The following COQ10A variants were observed in gnomAD, a reference collection of about 807,000 sequenced individuals.
The protein encoded by COQ10A is coenzyme Q10A, also known as coenzyme Q-binding protein COQ10 homolog A, mitochondrial.
A neutral mutation model predicts 26.1 loss-of-function variants in COQ10A; 25 were observed. The observed-to-expected ratio is 0.96, with a 90% CI of 0.70 to 1.34. The LOEUF (loss-of-function observed/expected upper bound fraction) is 1.34. Among genes scored for constraint, COQ10A ranks in the 40% most tolerant of loss-of-function variants. The pLI is 0.00. For synonymous variants in COQ10A, 132 were observed against 124.0 expected, an observed-to-expected ratio of 1.06 and a Z score of -0.43; for missense variants, 312 against 335.4, an observed-to-expected ratio of 0.93 and a Z score of 0.54.
At chr12:56,267,519 C>A in intron 1 of COQ10A, 2 of 1,532,798 alleles carry the variant, frequency 1.3e-6, no homozygotes, top group Non-Finnish European at 1.8e-6. Context: ...TAGCTTTCAG[C>A]AGTAGTGTAG....
rs187670547 is a variant in COQ10A, at chr12:56,269,153, C to T, written c.376C>T (p.Arg126Cys). 2.5e-5 allele frequency: 41 copies of T among 1,614,080 alleles called. No individual in the cohort carries two copies. The highest frequency in any genetic ancestry group is 1.3e-4 in the African/African-American group (10 of 75,020). Residue 126 changes from arginine to cysteine, a missense_variant, in exon 3 of 5, where the codon CGT becomes TGT. Coordinates refer to ENST00000308197, the MANE Select transcript of COQ10A (RefSeq NM_144576.4). ...TAAGAAGTCTCTGGTGGTATCCAGC[C>T]GTAAGGGTCATTTGAAAGCCCAGCT... is the stretch of plus-strand genomic sequence containing the variant. ...WCKKSLVVSSRKGHLKAQLEV... is the reference protein window; with the variant it reads ...WCKKSLVVSSCKGHLKAQLEV...
chr12:56,269,563 TGA>T lies in COQ10A; in HGVS notation c.576+4_576+5del. On this transcript the variant is annotated splice_donor_region_variant and intron_variant, in intron 4 of 4. Transcript: ENST00000308197. ...CGAACCTGCACTGTGGACTTTTCGG[TGA>T]GTCAGGAGGTTGTGTAGCAGAGGAC... 1 of 1,606,308 alleles carries T rather than the reference TGA, an allele frequency of 6.2e-7. No homozygotes were observed. Among genetic ancestry groups the T allele is most frequent in the Non-Finnish European group, 8.5e-7 (1 of 1,172,904 alleles).
Position 56,267,804 on chromosome 12 carries a change from T to C in COQ10A, c.145T>C (p.Ser49Pro), listed in dbSNP as rs1208480366. Residue 49 changes from serine (S) to proline (P), a missense_variant, in exon 2 of 5, where the codon TCC becomes CCC. Transcript: ENST00000308197. ...TTCCTTTGGCCTTAGGTTTCTGACC[T>C]CCTGCAGCCTCCTCTTGCCTCGGGC... ...PPPRPMRFLT[S>P]CSLLLPRAAQ... 5.0e-6 allele frequency: 8 copies of C among 1,614,184 alleles called. No homozygotes were observed. The highest frequency in any genetic ancestry group is 6.8e-6 in the Non-Finnish European group (8 of 1,180,030).
In COQ10A at chr12:56,267,085, G is replaced by T; in HGVS notation, c.-34G>T. ...TTGGAGTGAGGAGGGCGCAGCCCGC[G>T]TCAGAACTTAGAGGGCCAGGCAGGG... On this transcript the variant is annotated 5_prime_UTR_variant, in exon 1 of 5. Transcript: ENST00000308197. The T allele has an allele frequency of 1.6e-6, 2 of 1,266,222 alleles. No individual in the cohort carries two copies. The highest frequency in any genetic ancestry group is 2.0e-6 in the Non-Finnish European group (2 of 1,008,432). 78.4% of individuals were successfully genotyped at this position (1,266,222 alleles called of 1,614,324 possible). A position where few individuals can be genotyped will look rare whatever the true frequency, so the allele number is the denominator to read the frequency against.
At chr12:56,268,333 C>G (rs974858865) in intron 2 of COQ10A, 1 of 201,090 alleles carries the variant, frequency 5.0e-6, no homozygotes, top group African/African-American at 2.4e-5. Context: ...ACACAAGAAT[C>G]AGCCTGGCAC....
At chr12:56,268,099 C>G in intron 2 of COQ10A, 159 bp downstream of exon 2, 3 of 905,888 alleles carry the variant, frequency 3.3e-6, no homozygotes, top group Non-Finnish European at 5.0e-6. Context: ...TGCCACTCTT[C>G]CGACCTTAAT....
Position 56,270,241 on chromosome 12 carries a change from G to A in COQ10A, c.668G>A (p.Arg223His), listed in dbSNP as rs748314329. The A allele has an allele frequency of 2.5e-6, 4 of 1,614,074 alleles. No homozygotes were observed. The highest frequency in any genetic ancestry group is 2.5e-6 in the Non-Finnish European group (3 of 1,179,994). ...AAACAGAATGTTGCTGCCTTTGAGC[G>A]TCGGGCAGCCACCAAGTTTGGTCCA... ...VVKQNVAAFE[R>H]RAATKFGPET... The change falls in exon 5 of 5, where the codon CGT (arginine) becomes CAT (histidine). Residue 223 changes from arginine to histidine, a missense_variant. Transcript: ENST00000308197.
At chr12:56,267,607 A>G in intron 1 of COQ10A, 187 bp from the exon 2 acceptor site, 1 of 1,151,736 alleles carries the variant, frequency 8.7e-7, no homozygotes, top group Non-Finnish European at 1.3e-6. Context: ...CCCTGTCCTT[A>G]GCTGCCCTCG....
rs759099662 is a variant in COQ10A, at chr12:56,267,922, C to G, written c.263C>G (p.Ser88Trp). Residue 88 changes from serine (S) to tryptophan (W), a missense_variant, in exon 2 of 5, where the codon TCG becomes TGG. By Grantham distance (177) the Ser-to-Trp change is radical. Transcript: ENST00000308197. ...APFTNKRKAY[S>W]ERRIMGYSMQ... ...TTCACCAACAAGCGAAAGGCTTACTCGGAGCGTAGAATCATGGGGTAAGCA... is the reference window on the plus strand; with the variant it reads ...TTCACCAACAAGCGAAAGGCTTACTGGGAGCGTAGAATCATGGGGTAAGCA... The G allele has an allele frequency of 6.2e-7, 1 of 1,614,128 alleles. No homozygotes were observed.
At position 56,269,779 on chromosome 12, in the gene COQ10A, T is replaced by C. The variant is rs990435722; in HGVS notation, c.576+218T>C. ...AGTAGCTGGGATTACAGGAGCCTGC[T>C]ACCAAGCCCGACTGATTTTTTATTT... On this transcript the variant is annotated intron_variant, in intron 4 of 4. Coordinates refer to ENST00000308197, the MANE Select transcript of COQ10A (RefSeq NM_144576.4). 14 of 541,660 alleles carry C rather than the reference T, an allele frequency of 2.6e-5. No individual in the cohort carries two copies. The African/African-American group carries it at 2.7e-4, about 10-fold the overall frequency. The allele number at this position is 541,660 out of a possible 1,614,324, so 33.6% of individuals were successfully genotyped here.
chr12:56,267,825 C>G lies in COQ10A; in HGVS notation c.166C>G (p.Arg56Gly). ...FLTSCSLLLP[R>G]AAQILAAEAG... is the part of the protein sequence containing the mutation. ...GACCTCCTGCAGCCTCCTCTTGCCT[C>G]GGGCTGCCCAGATCTTGGCGGCTGA... The change falls in exon 2 of 5, where the codon CGG (arginine) becomes GGG (glycine). Residue 56 changes from arginine (R) to glycine (G), a missense_variant. Coordinates refer to ENST00000308197, the MANE Select transcript of COQ10A (RefSeq NM_144576.4). 1.2e-6 allele frequency: 2 copies of G among 1,614,204 alleles called. No homozygotes were observed. The highest frequency in any genetic ancestry group is 8.5e-7 in the Non-Finnish European group (1 of 1,180,026).
At chr12:56,268,037 C>A in intron 2 of COQ10A, 97 bp downstream of exon 2, 1 of 1,400,712 alleles carries the variant, frequency 7.1e-7, no homozygotes, top group South Asian at 1.3e-5. Flanking sequence ...GGGCAAGATT[C>A]ATCCCTAGCC....
In COQ10A at chr12:56,269,511, T is replaced by C; in HGVS notation, c.526T>C (p.Phe176Leu). The change falls in exon 4 of 5, where the codon TTC becomes CTC. Residue 176 changes from phenylalanine to leucine, a missense_variant. By Grantham distance (22) the Phe-to-Leu change is conservative. Transcript: ENST00000308197. ...LFNHLETIWR[F>L]SPGIPAYPRT... ...CAACCACTTAGAGACTATTTGGCGA[T>C]TCAGCCCTGGTATTCCTGCCTATCC... The C allele has an allele frequency of 1.2e-6, 2 of 1,614,228 alleles. No individual in the cohort carries two copies. The highest frequency in any genetic ancestry group is 4.5e-5 in the East Asian group (2 of 44,888).
At position 56,269,517 on chromosome 12, in the gene COQ10A, C is replaced by T. The variant is rs1425263075; in HGVS notation, c.532C>T (p.Pro178Ser). Residue 178 changes from proline (P) to serine (S), a missense_variant, in exon 4 of 5, where the codon CCT becomes TCT. By Grantham distance (74) the Pro-to-Ser change is moderately conservative (BLOSUM62 -1). Transcript: ENST00000308197. Reference sequence around the variant, plus strand: ...CTTAGAGACTATTTGGCGATTCAGCCCTGGTATTCCTGCCTATCCTCGAAC... The same window carrying T: ...CTTAGAGACTATTTGGCGATTCAGCTCTGGTATTCCTGCCTATCCTCGAAC... ...NHLETIWRFS[P>S]GIPAYPRTCT... 1 of 1,614,142 alleles carries T rather than the reference C, an allele frequency of 6.2e-7. No individual in the cohort carries two copies. The highest frequency in any genetic ancestry group is 1.7e-5 in the Admixed American group (1 of 60,016).
intron 4 of COQ10A, chr12:56,269,771 G>A (rs1332561761): frequency 3.6e-6 from 2 of 551,396 alleles, no homozygotes; most frequent in African/African-American, 1.9e-5. Flanking sequence ...GGGATTACAG[G>A]AGCCTGCTAC....
chr12:56,269,752 C>T lies in COQ10A; in HGVS notation c.576+191C>T, dbSNP rs1872453761. The stretch of plus-strand genomic sequence containing the variant: ...AAGCGATTTTCCTGCCTCAGCCTCC[C>T]AAGTAGCTGGGATTACAGGAGCCTG... On this transcript the variant is annotated intron_variant, in intron 4 of 4. Coordinates refer to ENST00000308197, the MANE Select transcript of COQ10A (RefSeq NM_144576.4). 1.2e-5 allele frequency: 7 copies of T among 560,772 alleles called. No homozygotes were observed. The Admixed American group carries it at 1.8e-4, about 14-fold the overall frequency. The allele number at this position is 560,772 out of a possible 1,614,324, so 34.7% of individuals were successfully genotyped here.
intron 1 of COQ10A, chr12:56,267,557 C>A: frequency 7.9e-7 from 1 of 1,270,320 alleles, no homozygotes; most frequent in Non-Finnish European, 1.1e-6. Context: ...TGGCGCTTCC[C>A]ACACACCCCT....
In COQ10A at chr12:56,267,793, G is replaced by A; in HGVS notation, c.135-1G>A. On this transcript the variant is annotated splice_acceptor_variant, in intron 1 of 4. Transcript: ENST00000308197. LOFTEE classifies it high-confidence loss of function. ...TTGGCTCCTCTTTCCTTTGGCCTTAGGTTTCTGACCTCCTGCAGCCTCCTC... is the reference window on the plus strand; with the variant it reads ...TTGGCTCCTCTTTCCTTTGGCCTTAAGTTTCTGACCTCCTGCAGCCTCCTC... 1.2e-6 allele frequency: 2 copies of A among 1,614,136 alleles called. No individual in the cohort carries two copies. The highest frequency in any genetic ancestry group is 1.3e-5 in the African/African-American group (1 of 75,024).
chr12:56,267,170 G>T lies in COQ10A; in HGVS notation c.52G>T (p.Glu18Ter), dbSNP rs533811178. 12 of 1,352,752 alleles carry T rather than the reference G, an allele frequency of 8.9e-6. No homozygotes were observed. The highest frequency in any genetic ancestry group is 3.8e-5 in the Admixed American group (1 of 26,100). 83.8% of individuals were successfully genotyped at this position (1,352,752 alleles called of 1,614,324 possible). Residue 18 changes from glutamate (E) to a stop codon, truncating the protein, a stop_gained, in exon 1 of 5, where the codon GAG becomes TAG. Transcript: ENST00000308197. LOFTEE classifies it high-confidence loss of function. ...CCCAGCTGGGACGCGCGCGGCAGCC[G>T]AGCGCTGCTGCCGGCTCTCGCTCAG... is the stretch of plus-strand genomic sequence containing the variant. ...RVPAGTRAAA[E>*]RCCRLSLSPG...
Sources: gnomAD v4.1 joint callset for allele counts on GRCh38, gnomAD v4.1.1 for gene constraint, MANE v1.5 for transcripts, NCBI Gene and HGNC (gene_info 2026-07-23, HGNC 2026-07-21) for gene names.